AGBL3: variants seen among roughly 807,000 people sequenced by gnomAD.
The protein encoded by AGBL3 is AGBL carboxypeptidase 3.
In AGBL3, 68 loss-of-function variants were observed where a neutral mutation model predicts 94.5. The observed-to-expected ratio is 0.72, with a 90% CI of 0.59 to 0.88. AGBL3 has a LOEUF of 0.88. Among genes scored for constraint, AGBL3 ranks in the 40% least tolerant of loss-of-function variants. AGBL3 has a pLI of 0.00. For synonymous variants in AGBL3, 354 were observed against 370.7 expected (o/e 0.95, Z 0.52); for missense variants, 934 against 1,103.8 (o/e 0.85, Z 2.18).
At chr7:135,128,685 GTC>G in intron 16 of AGBL3, 1 of 1,290,352 alleles carries the variant, frequency 7.7e-7, no homozygotes, top group African/African-American at 1.5e-5. Context: ...CCTGAATATT[GTC>G]TCTCCTTTTG....
intron 4 of AGBL3, 90 bp from the exon 5 acceptor site, chr7:135,016,961 AT>A (rs1813875179): frequency 1.2e-6 from 1 of 828,208 alleles, no homozygotes; most frequent in East Asian, 2.7e-5. Context: ...TTTAGCCTAG[AT>A]CTATCAATGA....
intron 12 of AGBL3, among the ~76,000 whole-genome samples, chr7:135,062,628 T>C (rs145308170): frequency 1.9e-4 from 29 of 152,190 alleles, no homozygotes; most frequent in African/African-American, 6.5e-4. Context: ...GATCATAGGG[T>C]TTTTGTCCTT....
At chr7:134,997,378 A>C (rs1019594611) in intron 4 of AGBL3, among the ~76,000 whole-genome samples, 3 of 152,098 alleles carry the variant, frequency 2.0e-5, no homozygotes, top group African/African-American at 7.2e-5. Context: ...TCCAGATGAG[A>C]CCTAGCACAA....
At chr7:135,038,435 T>C (rs1816517674) in intron 8 of AGBL3, among the ~76,000 whole-genome samples, 2 of 152,218 alleles carry the variant, frequency 1.3e-5, no homozygotes, top group South Asian at 4.1e-4. Flanking sequence ...TTAGGTATAG[T>C]TTATTACTCC....
At chr7:135,117,384 T>G (rs1052312624) in intron 16 of AGBL3, among the ~76,000 whole-genome samples, 4 of 152,218 alleles carry the variant, frequency 2.6e-5, no homozygotes, top group African/African-American at 9.6e-5. Context: ...GCCCTATGAT[T>G]ACATTCAGAT....
At chr7:135,109,668 C>T (rs1029235477) in intron 15 of AGBL3, among the ~76,000 whole-genome samples, 1 of 152,010 alleles carries the variant, frequency 6.6e-6, no homozygotes, top group Non-Finnish European at 1.5e-5. Flanking sequence ...AAAACACTAG[C>T]AGGGGTATCT....
At position 135,034,947 on chromosome 7, in the gene AGBL3, T is replaced by G; in HGVS notation, c.1337+19T>G. The G allele has an allele frequency of 6.8e-7, 1 of 1,466,588 alleles. No homozygotes were observed. Among genetic ancestry groups the G allele is most frequent in the Non-Finnish European group, 9.0e-7 (1 of 1,111,578 alleles). The allele number at this position is 1,466,588 out of a possible 1,614,324, so 90.8% of individuals were successfully genotyped here. On this transcript the variant is annotated intron_variant, in intron 7 of 16. Transcript: ENST00000436302. ...TTCATAGGTAAAATAAGCCTCAAAT[T>G]ACCTCTGTGCTTATTTAGTAAACTT...
At chr7:135,040,919 G>A (rs1816796222) in intron 8 of AGBL3, among the ~76,000 whole-genome samples, 1 of 148,684 alleles carries the variant, frequency 6.7e-6, no homozygotes, top group East Asian at 2.0e-4. Context: ...CTAGAACAAG[G>A]GAATTTAAGC....
chr7:135,020,961 G>A (rs2068807083), intron 5 of AGBL3, among the ~76,000 whole-genome samples: 1 of 151,180 alleles, frequency 6.6e-6, no homozygotes, highest in South Asian at 2.1e-4. Flanking sequence ...TAATGTAAAT[G>A]ACGAGTTAAT....
At chr7:135,133,066 T>TGC (rs1304291464) in intron 16 of AGBL3, among the ~76,000 whole-genome samples, 1 of 92,548 alleles carries the variant, frequency 1.1e-5, no homozygotes, top group Non-Finnish European at 2.4e-5. Flanking sequence ...CACGCATGCG[T>TGC]GCACACACAC....
intron 4 of AGBL3, among the ~76,000 whole-genome samples, chr7:134,999,575 T>A (rs1278959739): frequency 6.6e-6 from 1 of 152,196 alleles, no homozygotes; most frequent in African/African-American, 2.4e-5. Context: ...CATCATCTGA[T>A]CCTGGAAGAG....
chr7:134,989,519 T>C (rs2133356232), intron 3 of AGBL3, among the ~76,000 whole-genome samples: 2 of 152,330 alleles, frequency 1.3e-5, no homozygotes, highest in Middle Eastern at 6.8e-3. Context: ...TAAATGAAAG[T>C]GGTGATTATC....
intron 11 of AGBL3, among the ~76,000 whole-genome samples, chr7:135,050,542 GTATT>G (rs1264824059): frequency 1.4e-5 from 1 of 70,348 alleles, no homozygotes. Context: ...TTTGCTTTAT[GTATT>G]TAGGTGCTCT....
intron 3 of AGBL3, among the ~76,000 whole-genome samples, chr7:134,992,140 T>G (rs896687969): frequency 6.6e-6 from 1 of 152,254 alleles, no homozygotes; most frequent in Non-Finnish European, 1.5e-5. Context: ...CTTGCAAATT[T>G]TACATGTGGT....
At chr7:135,082,009 C>T (rs1025650085) in intron 15 of AGBL3, among the ~76,000 whole-genome samples, 11 of 152,148 alleles carry the variant, frequency 7.2e-5, no homozygotes, top group Non-Finnish European at 8.8e-5. Flanking sequence ...AGAGAGAAAC[C>T]TTGAGAATGC....
chr7:135,035,658 C>A (rs1164022727), intron 7 of AGBL3, among the ~76,000 whole-genome samples: 1 of 151,994 alleles, frequency 6.6e-6, no homozygotes, highest in East Asian at 1.9e-4. Context: ...AAAAGAAAAT[C>A]CAAACTGTTT....
chr7:135,003,403 A>C (rs1036731097), intron 4 of AGBL3, among the ~76,000 whole-genome samples: 1 of 152,020 alleles, frequency 6.6e-6, no homozygotes, highest in Non-Finnish European at 1.5e-5. Context: ...TGATAAACTT[A>C]GTTCCTTACT....
At chr7:135,113,260 C>CA (rs1289846930) in intron 15 of AGBL3, among the ~76,000 whole-genome samples, 8 of 151,866 alleles carry the variant, frequency 5.3e-5, no homozygotes, top group Non-Finnish European at 1.0e-4. Context: ...AATTTCTTTA[C>CA]AAAAAAACTT....
intron 4 of AGBL3, among the ~76,000 whole-genome samples, chr7:134,998,533 T>C (rs1811293519): frequency 6.6e-6 from 1 of 152,226 alleles, no homozygotes; most frequent in East Asian, 1.9e-4. Context: ...GTTGTTAGGC[T>C]TAGCCACTGT....
Sources: gnomAD v4.1 joint callset for allele counts (sites outside exome capture counted in the v4.1 genomes callset) on GRCh38, gnomAD v4.1.1 for gene constraint, MANE v1.5 for transcripts, NCBI Gene and HGNC (gene_info 2026-07-23, HGNC 2026-07-21) for gene names.